SLC11A2: variants seen among roughly 807,000 people sequenced by gnomAD.
SLC11A2 encodes solute carrier family 11 member 2, also known as natural resistance-associated macrophage protein 2.
Under a neutral mutation model 68.0 loss-of-function variants are expected in SLC11A2, and 38 were observed. The observed-to-expected ratio is 0.56, with a 90% CI of 0.43 to 0.73. The LOEUF (loss-of-function observed/expected upper bound fraction) is 0.73, where lower values mean the gene tolerates loss of function less well. Ranked by LOEUF, SLC11A2 falls within the 30% of genes least tolerant of loss-of-function variation. The pLI is 0.00. For synonymous variants in SLC11A2, 242 were observed against 250.6 expected, an observed-to-expected ratio of 0.97 and a Z score of 0.32; for missense variants, 517 against 690.5, an observed-to-expected ratio of 0.75 and a Z score of 2.82.
chr12:51,013,489 G>A (rs1180296186), intron 1 of SLC11A2, among the ~76,000 whole-genome samples: 2 of 151,304 alleles, frequency 1.3e-5, no homozygotes, highest in African/African-American at 4.9e-5. Flanking sequence ...GTACAGACAG[G>A]GTTTCATCAT....
At chr12:50,978,491 T>G (rs1481546201), downstream of SLC11A2, among the ~76,000 whole-genome samples, 6 of 98,660 alleles carry the variant, frequency 6.1e-5, no homozygotes, top group East Asian at 1.4e-3. Flanking sequence ...GGGGCCTGTT[T>G]TGGGGTGGGG....
the SLC11A2 span, among the ~76,000 whole-genome samples, chr12:50,952,699 G>C: frequency 2.0e-5 from 3 of 152,138 alleles, no homozygotes; most frequent in African/African-American, 4.8e-5. Context: ...GCGCACCTGC[G>C]ATGGCCTTAC....
chr12:50,982,950 A>G (rs568083424), downstream of SLC11A2, among the ~76,000 whole-genome samples: 1 of 151,896 alleles, frequency 6.6e-6, no homozygotes, highest in African/African-American at 2.4e-5. Context: ...AAAAAAAAAA[A>G]AAAAAAACCC....
At chr12:50,993,592 GA>G (rs1203671012) in intron 11 of SLC11A2, among the ~76,000 whole-genome samples, 1 of 148,202 alleles carries the variant, frequency 6.7e-6, no homozygotes, top group Non-Finnish European at 1.5e-5. Context: ...TTGGGAGGCC[GA>G]GGGGGGGGTG....
intron 1 of SLC11A2, among the ~76,000 whole-genome samples, chr12:51,023,828 C>CA (rs1386185334): frequency 2.0e-5 from 3 of 152,026 alleles, no homozygotes; most frequent in Non-Finnish European, 4.4e-5. Flanking sequence ...TCCATCTCCA[C>CA]AAAAAAATTT....
intron 1 of SLC11A2, chr12:51,026,080 C>G: frequency 9.2e-7 from 1 of 1,088,934 alleles, no homozygotes; most frequent in South Asian, 2.2e-5. Flanking sequence ...TCCGGCGTTC[C>G]CTCCCTGCCC....
chr12:51,021,709 T>C (rs1303901877), intron 1 of SLC11A2, among the ~76,000 whole-genome samples: 1 of 151,820 alleles, frequency 6.6e-6, no homozygotes, highest in Non-Finnish European at 1.5e-5. Flanking sequence ...AAGTGTTTTG[T>C]AGTTGAATGA....
At chr12:50,958,849 T>C in the SLC11A2 span, among the ~76,000 whole-genome samples, 3 of 151,240 alleles carry the variant, frequency 2.0e-5, no homozygotes, top group Middle Eastern at 3.2e-3. Context: ...AGACATCATC[T>C]CTACTAAAAA....
At chr12:50,979,121 T>C (rs550366226), downstream of SLC11A2, among the ~76,000 whole-genome samples, 51 of 152,298 alleles carry the variant, frequency 3.3e-4, no homozygotes, top group African/African-American at 1.2e-3. Context: ...TATGCACAAG[T>C]ACACTTATAG....
At chr12:50,958,447 A>G in the SLC11A2 span, among the ~76,000 whole-genome samples, 2 of 150,750 alleles carry the variant, frequency 1.3e-5, no homozygotes, top group Non-Finnish European at 3.0e-5. Context: ...ACACCCGGCT[A>G]ATTTTTTGTA....
intron 1 of SLC11A2, among the ~76,000 whole-genome samples, chr12:51,020,666 T>C (rs1332586232): frequency 1.3e-5 from 2 of 152,188 alleles, no homozygotes; most frequent in Non-Finnish European, 2.9e-5. Flanking sequence ...GGTTCCACAT[T>C]TGTGGTTTCA....
chr12:51,015,504 A>G (rs1943579343), intron 1 of SLC11A2, among the ~76,000 whole-genome samples: 1 of 152,000 alleles, frequency 6.6e-6, no homozygotes, highest in Non-Finnish European at 1.5e-5. Flanking sequence ...ATAGTTAAAA[A>G]AAAAAAAAAC....
downstream of SLC11A2, among the ~76,000 whole-genome samples, chr12:50,976,898 G>T (rs1368810496): frequency 6.6e-6 from 1 of 152,110 alleles, no homozygotes; most frequent in Non-Finnish European, 1.5e-5. Context: ...ATTCACAATT[G>T]CTTCAAAGAG....
At chr12:51,023,633 C>G (rs184220433) in intron 1 of SLC11A2, among the ~76,000 whole-genome samples, 115 of 152,260 alleles carry the variant, frequency 7.6e-4, no homozygotes, top group African/African-American at 2.1e-3. Flanking sequence ...CTTTCTGCCT[C>G]AAACACACTC....
At chr12:50,993,919 T>C (rs1278590038) in intron 11 of SLC11A2, among the ~76,000 whole-genome samples, 1 of 131,000 alleles carries the variant, frequency 7.6e-6, no homozygotes, top group East Asian at 2.4e-4. Context: ...TTGGACCAGG[T>C]AGGTGGAGGC....
the SLC11A2 span, among the ~76,000 whole-genome samples, chr12:50,953,222 A>T: frequency 1.6e-4 from 24 of 152,228 alleles, no homozygotes; most frequent in Non-Finnish European, 2.9e-4. Context: ...CTGAAGGAAC[A>T]ACAGGAGACA....
downstream of SLC11A2, chr12:50,979,570 G>C: frequency 3.6e-6 from 1 of 281,440 alleles, no homozygotes; most frequent in Non-Finnish European, 7.0e-6. Context: ...AAACACTTAA[G>C]AGTCTCTTTT....
the SLC11A2 span, chr12:50,961,247 G>A: frequency 1.4e-5 from 12 of 870,372 alleles, no homozygotes; most frequent in African/African-American, 3.4e-5. Flanking sequence ...CTTAGTTGAG[G>A]TTGTGGCCCA....
chr12:50,999,129 C>T (rs753461162), intron 8 of SLC11A2, 45 bp downstream of exon 8: 5 of 1,453,996 alleles, frequency 3.4e-6, no homozygotes, highest in South Asian at 1.2e-5. Context: ...AAAAAAACCA[C>T]AAAAACTTAT....
Sources: allele counts gnomAD v4.1 joint callset (sites outside exome capture counted in the v4.1 genomes callset), GRCh38; gene constraint gnomAD v4.1.1; transcripts MANE v1.5; gene names NCBI Gene and HGNC (gene_info 2026-07-23, HGNC 2026-07-21).